BRD8: variants seen among roughly 807,000 people sequenced by gnomAD.
The protein encoded by BRD8 is bromodomain-containing protein 8.
In BRD8, 67 loss-of-function variants were observed where a neutral mutation model predicts 143.1. The observed-to-expected ratio is 0.47, with a 90% CI of 0.38 to 0.57. BRD8 has a LOEUF of 0.57. Ranked by LOEUF, BRD8 falls within the 20% of genes least tolerant of loss-of-function variation. BRD8 has a pLI of 0.00. For synonymous variants in BRD8, 505 were observed against 517.1 expected (o/e 0.98, Z 0.32); for missense variants, 1,103 against 1,503.0 (o/e 0.73, Z 4.40).
At chr5:138,162,743 T>G (rs564611075) in intron 15 of BRD8, among the ~76,000 whole-genome samples, 11 of 152,044 alleles carry the variant, frequency 7.2e-5, no homozygotes, top group Non-Finnish European at 1.6e-4. Context: ...ACGCCTGTAA[T>G]CTCAGCACTT....
At chr5:138,169,415 A>T in intron 7 of BRD8, 57 bp from the exon 8 acceptor site, 1 of 1,579,016 alleles carries the variant, frequency 6.3e-7, no homozygotes. Flanking sequence ...ATGAAACTTG[A>T]CACTAGTCTG....
intron 7 of BRD8, 74 bp from the exon 8 acceptor site, chr5:138,169,432 T>C: frequency 6.5e-7 from 1 of 1,527,346 alleles, no homozygotes; most frequent in Non-Finnish European, 8.9e-7. Flanking sequence ...TCTGCTATTA[T>C]ACAATAAAGG....
intron 11 of BRD8, 118 bp downstream of exon 11, chr5:138,165,710 A>G: frequency 8.8e-7 from 1 of 1,136,210 alleles, no homozygotes; most frequent in Non-Finnish European, 1.2e-6. Context: ...TGGATGAAAG[A>G]GCAAGACTCT....
At chr5:138,147,299 A>AATATATAT in intron 23 of BRD8, among the ~76,000 whole-genome samples, 1 of 146,154 alleles carries the variant, frequency 6.8e-6, no homozygotes, top group East Asian at 2.0e-4. Context: ...CTCTTCAAAA[A>AATATATAT]ATATATATAT....
At chr5:138,141,877 G>C (rs1463032366) in intron 25 of BRD8, among the ~76,000 whole-genome samples, 1 of 152,188 alleles carries the variant, frequency 6.6e-6, no homozygotes, top group African/African-American at 2.4e-5. Context: ...GCTATTAACT[G>C]TTGGTTGATC....
chr5:138,177,339 G>A, intron 2 of BRD8: 1 of 297,204 alleles, frequency 3.4e-6, no homozygotes, highest in Non-Finnish European at 6.5e-6. Context: ...AGACCAGCCT[G>A]GCCAACATGG....
chr5:138,140,205 C>T (rs1751846105), intron 26 of BRD8, 39 bp from the exon 27 acceptor site: 1 of 1,427,508 alleles, frequency 7.0e-7, no homozygotes, highest in Admixed American at 1.8e-5. Context: ...TATTATGAAC[C>T]TTAAACACTA....
At chr5:138,152,111 C>A (rs1362799435) in intron 21 of BRD8, among the ~76,000 whole-genome samples, 1 of 152,172 alleles carries the variant, frequency 6.6e-6, no homozygotes, top group Non-Finnish European at 1.5e-5. Context: ...CCGCCTCGGC[C>A]TCCTAAAGTG....
intron 8 of BRD8, chr5:138,168,393 C>T: frequency 2.0e-6 from 2 of 998,824 alleles, no homozygotes; most frequent in Non-Finnish European, 3.1e-6. Flanking sequence ...TTCCCCATGT[C>T]ACATTTTAGG....
rs1243106214 is a variant in BRD8, at chr5:138,145,739, A to G, written c.3368+50T>C. 3 of 1,482,424 alleles carry G rather than the reference A, an allele frequency of 2.0e-6. No homozygotes were observed. In the South Asian group the frequency reaches 3.4e-5, roughly 17 times the overall value. 91.8% of individuals were successfully genotyped at this position (1,482,424 alleles called of 1,614,324 possible). On this transcript the variant is annotated intron_variant, in intron 24 of 26. Transcript: ENST00000254900. The stretch of plus-strand genomic sequence containing the variant: ...CTTTTATGCTTAAACCCCAATATGT[A>G]TTACTGCTTCAGCTCTGAACATAAT...
chr5:138,153,282 A>C (rs1344106820), intron 20 of BRD8, among the ~76,000 whole-genome samples: 1 of 152,208 alleles, frequency 6.6e-6, no homozygotes, highest in Non-Finnish European at 1.5e-5. Context: ...AGAAACATTA[A>C]GCTTAAAATA....
At chr5:138,152,456 C>A in intron 21 of BRD8, 26 bp downstream of exon 21, 1 of 1,609,270 alleles carries the variant, frequency 6.2e-7, no homozygotes, top group Non-Finnish European at 8.5e-7. Context: ...GCTTTTCCAG[C>A]TTTGGAAATA....
intron 1 of BRD8, 42 bp downstream of exon 1, chr5:138,178,554 A>T: frequency 1.3e-6 from 2 of 1,590,398 alleles, no homozygotes; most frequent in Non-Finnish European, 1.7e-6. Context: ...CTAGCCTCGG[A>T]TCTACAAAGG....
At chr5:138,145,074 T>C in intron 25 of BRD8, 103 bp downstream of exon 25, 1 of 1,201,624 alleles carries the variant, frequency 8.3e-7, no homozygotes, top group African/African-American at 1.5e-5. Flanking sequence ...ATGAAACATA[T>C]CTTGAGTTTG....
intron 25 of BRD8, among the ~76,000 whole-genome samples, chr5:138,143,238 A>C (rs1203809102): frequency 6.6e-6 from 1 of 152,118 alleles, no homozygotes; most frequent in Non-Finnish European, 1.5e-5. Context: ...TATCCAAGAA[A>C]TGTGCCACTG....
chr5:138,153,640 T>C (rs1309795955), intron 20 of BRD8, among the ~76,000 whole-genome samples: 1 of 151,780 alleles, frequency 6.6e-6, no homozygotes, highest in African/African-American at 2.4e-5. Context: ...TCTTCCCAAT[T>C]TCCTTATCCC....
chr5:138,145,675 C>T lies in BRD8; in HGVS notation c.3368+114G>A. On this transcript the variant is annotated intron_variant, in intron 24 of 26. Coordinates refer to ENST00000254900, the MANE Select transcript of BRD8 (RefSeq NM_139199.2). ...AAATCGGGCTTAGATACAGAATCTA[C>T]CTTTCAACTATGGCTCATTTGAGGG... 5.5e-6 allele frequency: 5 copies of T among 906,286 alleles called. 1 individual carries two copies. The South Asian group carries it at 7.7e-5, about 14-fold the overall frequency. 56.1% of individuals were successfully genotyped at this position (906,286 alleles called of 1,614,324 possible).
intron 25 of BRD8, among the ~76,000 whole-genome samples, chr5:138,143,889 G>A (rs1448896844): frequency 1.3e-5 from 2 of 152,292 alleles, no homozygotes; most frequent in South Asian, 4.1e-4. Flanking sequence ...ATGTGGAGGA[G>A]GCCAAATAAG....
At chr5:138,172,906 A>G (rs1754006754) in intron 2 of BRD8, 1 of 185,954 alleles carries the variant, frequency 5.4e-6, no homozygotes, top group African/African-American at 2.4e-5. Context: ...CATTTGTGTT[A>G]GAAAATGAGG....
Sources: allele counts gnomAD v4.1 joint callset (sites outside exome capture counted in the v4.1 genomes callset), GRCh38; gene constraint gnomAD v4.1.1; transcripts MANE v1.5; gene names NCBI Gene and HGNC (gene_info 2026-07-23, HGNC 2026-07-21).